Variants in ARB2A observed in about 807,000 individuals in gnomAD.
ARB2A encodes the protein cotranscriptional regulator ARB2A.
At chr5:94,039,711 G>A in the ARB2A span, among the ~76,000 whole-genome samples, 1 of 152,040 alleles carries the variant, frequency 6.6e-6, no homozygotes, top group Non-Finnish European at 1.5e-5. Flanking sequence ...ACCCTCTCCT[G>A]GGGTCTGGAT....
At chr5:93,836,307 G>A in the ARB2A span, among the ~76,000 whole-genome samples, 2 of 152,180 alleles carry the variant, frequency 1.3e-5, no homozygotes, top group African/African-American at 2.4e-5. Context: ...GATTACAGGC[G>A]TGAGCCACCA....
the ARB2A span, among the ~76,000 whole-genome samples, chr5:94,063,719 A>G: frequency 8.5e-5 from 13 of 152,072 alleles, no homozygotes; most frequent in South Asian, 2.1e-4. Flanking sequence ...TAACAACTGC[A>G]CTCTAAGCCA....
the ARB2A span, chr5:94,053,052 T>C: frequency 2.8e-6 from 2 of 718,426 alleles, no homozygotes; most frequent in African/African-American, 1.9e-5. Context: ...TGAGCACTGA[T>C]AAATAAATTT....
the ARB2A span, among the ~76,000 whole-genome samples, chr5:94,059,169 G>A: frequency 6.7e-6 from 1 of 150,244 alleles, no homozygotes; most frequent in African/African-American, 2.4e-5. Context: ...GAGGGAGACT[G>A]AGAACTGAGG....
the ARB2A span, among the ~76,000 whole-genome samples, chr5:94,086,867 T>C: frequency 6.6e-6 from 1 of 152,202 alleles, no homozygotes; most frequent in Non-Finnish European, 1.5e-5. Flanking sequence ...ACTATGTTTT[T>C]ACTACACAAT....
the ARB2A span, among the ~76,000 whole-genome samples, chr5:93,729,818 A>AGATGTTCCACTGAATACATGG: frequency 6.6e-6 from 1 of 152,146 alleles, no homozygotes; most frequent in African/African-American, 2.4e-5. Context: ...AAGATTTATA[A>AGATGTTCCACTGAATACATGG]GATGTTCCAC....
the ARB2A span, among the ~76,000 whole-genome samples, chr5:93,981,148 A>G: frequency 1.3e-5 from 2 of 150,030 alleles, no homozygotes; most frequent in South Asian, 4.2e-4. Flanking sequence ...GGCTCACTGT[A>G]GCCTTGACCT....
chr5:93,904,487 T>G, the ARB2A span, among the ~76,000 whole-genome samples: 1 of 151,834 alleles, frequency 6.6e-6, no homozygotes, highest in Non-Finnish European at 1.5e-5. Flanking sequence ...AGCCTCAAAT[T>G]TATGAAATTT....
chr5:93,742,887 A>G, the ARB2A span: 1 of 152,314 alleles, frequency 6.6e-6, no homozygotes, highest in South Asian at 2.1e-4. Flanking sequence ...AGTCAAATTC[A>G]TTATCCACAC....
chr5:93,901,487 A>C, the ARB2A span, among the ~76,000 whole-genome samples: 1 of 152,164 alleles, frequency 6.6e-6, no homozygotes, highest in Non-Finnish European at 1.5e-5. Context: ...TTATTTGTCC[A>C]GTTGTTATGC....
At chr5:93,805,635 GGT>G in the ARB2A span, 1 of 984,896 alleles carries the variant, frequency 1.0e-6, no homozygotes, top group Non-Finnish European at 1.2e-6. Flanking sequence ...CTCCAATTTG[GGT>G]CCATACAAGA....
At chr5:93,620,656 C>A in the ARB2A span, 1 of 211,756 alleles carries the variant, frequency 4.7e-6, no homozygotes, top group Non-Finnish European at 9.3e-6. Context: ...CCGACGCCGC[C>A]GGACCCGCAG....
the ARB2A span, among the ~76,000 whole-genome samples, chr5:93,953,185 T>C: frequency 1.3e-5 from 2 of 152,288 alleles, no homozygotes; most frequent in East Asian, 3.9e-4. Flanking sequence ...AGGTCATGTT[T>C]TCCTGGATAG....
chr5:94,015,215 T>C, the ARB2A span, among the ~76,000 whole-genome samples: 1 of 151,954 alleles, frequency 6.6e-6, no homozygotes, highest in Non-Finnish European at 1.5e-5. Context: ...ACAGAAACCA[T>C]ATAGGCCAGA....
At chr5:94,073,029 T>C in the ARB2A span, among the ~76,000 whole-genome samples, 1 of 152,078 alleles carries the variant, frequency 6.6e-6, no homozygotes, top group Non-Finnish European at 1.5e-5. Flanking sequence ...CACTTTTCAA[T>C]TAGGGAAAAG....
chr5:93,658,875 T>C, the ARB2A span, among the ~76,000 whole-genome samples: 1 of 151,334 alleles, frequency 6.6e-6, no homozygotes, highest in African/African-American at 2.4e-5. Flanking sequence ...AAATCTTTAT[T>C]TTAACTATGA....
the ARB2A span, among the ~76,000 whole-genome samples, chr5:94,091,200 A>G: frequency 6.6e-6 from 1 of 152,218 alleles, no homozygotes. Context: ...TTGTTGAGGA[A>G]ATATATCCAG....
At chr5:94,079,682 T>C in the ARB2A span, among the ~76,000 whole-genome samples, 2 of 152,190 alleles carry the variant, frequency 1.3e-5, no homozygotes, top group Non-Finnish European at 2.9e-5. Flanking sequence ...AAATTGGACA[T>C]AGATATCTAC....
chr5:93,781,266 T>G, the ARB2A span, among the ~76,000 whole-genome samples: 3 of 152,204 alleles, frequency 2.0e-5, no homozygotes, highest in Admixed American at 1.3e-4. Flanking sequence ...CATGTGGTAT[T>G]TGACTTTCTG....
Sources: gnomAD v4.1 joint callset for allele counts (sites outside exome capture counted in the v4.1 genomes callset) on GRCh38, gnomAD v4.1.1 for gene constraint, MANE v1.5 for transcripts, NCBI Gene and HGNC (gene_info 2026-07-23, HGNC 2026-07-21) for gene names.